Variants in PARP2 observed in about 807,000 individuals in gnomAD.
PARP2 encodes the protein poly [ADP-ribose] polymerase 2.
Under a neutral mutation model 77.8 loss-of-function variants are expected in PARP2, and 57 were observed. The ratio of observed to expected loss-of-function variants is 0.73; its 90% CI spans 0.59 to 0.91. The LOEUF (loss-of-function observed/expected upper bound fraction) is 0.91, where lower values mean the gene tolerates loss of function less well. Ranked by LOEUF, PARP2 falls within the 40% of genes least tolerant of loss-of-function variation. PARP2 has a pLI of 0.00. For missense variants in PARP2, 651 were observed against 689.0 expected, an observed-to-expected ratio of 0.94 and a Z score of 0.62; for synonymous variants, 226 against 242.6, an observed-to-expected ratio of 0.93 and a Z score of 0.64.
At chr14:20,357,194 T>C in intron 14 of PARP2, 45 bp downstream of exon 14, 1 of 1,470,296 alleles carries the variant, frequency 6.8e-7, no homozygotes, top group Non-Finnish European at 9.5e-7. Flanking sequence ...TTAATTCCAG[T>C]TTTTTTCCGA....
intron 9 of PARP2, chr14:20,355,408 C>T: frequency 5.3e-6 from 1 of 190,290 alleles, no homozygotes; most frequent in Non-Finnish European, 1.1e-5. Flanking sequence ...AGAAATAACC[C>T]TGAGTGGTCA....
At chr14:20,356,718 A>T (rs761321023) in intron 13 of PARP2, 29 bp downstream of exon 13, 1 of 1,503,932 alleles carries the variant, frequency 6.6e-7, no homozygotes, top group Non-Finnish European at 9.3e-7. Context: ...TGGGAGGAGC[A>T]CAGGGGAAAG....
chr14:20,347,206 T>C (rs1044444459), intron 4 of PARP2, among the ~76,000 whole-genome samples: 4 of 146,600 alleles, frequency 2.7e-5, no homozygotes, highest in Admixed American at 6.9e-5. Context: ...TTTTTTGTAT[T>C]TTTAGTAGAG....
At position 20,357,618 on chromosome 14, in the gene PARP2, A is replaced by G; in HGVS notation, c.1554-20A>G. The G allele has an allele frequency of 6.2e-7, 1 of 1,609,166 alleles. No individual in the cohort carries two copies. Among genetic ancestry groups the G allele is most frequent in the Non-Finnish European group, 8.5e-7 (1 of 1,178,220 alleles). ...CTGAACCAGAGACTGATGTTGACAC[A>G]CTTTTTTTCCATTTGGCAGGAATGG... On this transcript the variant is annotated intron_variant, in intron 15 of 15. Coordinates refer to ENST00000429687, the MANE Select transcript of PARP2 (RefSeq NM_001042618.2).
rs911856843 is a variant in PARP2, at chr14:20,356,948, T to G, written c.1330-103T>G. The G allele has an allele frequency of 8.7e-6, 7 of 806,568 alleles. No homozygotes were observed. In the East Asian group the frequency reaches 1.5e-4, roughly 17 times the overall value. The allele number at this position is 806,568 out of a possible 1,614,324, so 50.0% of individuals were successfully genotyped here. A position where few individuals can be genotyped will look rare whatever the true frequency, so the allele number is the denominator to read the frequency against. On this transcript the variant is annotated intron_variant, in intron 13 of 15. Coordinates refer to ENST00000429687, the MANE Select transcript of PARP2 (RefSeq NM_001042618.2). Reference sequence around the variant, plus strand: ...TTGTGAGGGGAAATGGAGAAGGGTCTATATTGTGTTTAAGGGAATGGAAAA... The same window carrying G: ...TTGTGAGGGGAAATGGAGAAGGGTCGATATTGTGTTTAAGGGAATGGAAAA...
intron 12 of PARP2, 33 bp downstream of exon 12, chr14:20,356,467 T>G (rs1266568581): frequency 6.2e-7 from 1 of 1,613,804 alleles, no homozygotes; most frequent in African/African-American, 1.3e-5. Context: ...GGAAAGACAC[T>G]CCTTGCCCGA....
chr14:20,353,796 G>A (rs1033331007), intron 7 of PARP2, among the ~76,000 whole-genome samples: 9 of 152,126 alleles, frequency 5.9e-5, no homozygotes, highest in African/African-American at 2.2e-4. Flanking sequence ...GACGTCATGA[G>A]GAAAGCCTTT....
At chr14:20,343,766 T>G in intron 1 of PARP2, 79 bp downstream of exon 1, 1 of 1,444,312 alleles carries the variant, frequency 6.9e-7, no homozygotes, top group South Asian at 1.2e-5. Flanking sequence ...TGTGACCCCC[T>G]TCCCCTTCCA....
rs767801136 is a variant in PARP2 at position 20,354,127 on chromosome 14, T to G, written c.643T>G (p.Leu215Val). 1.9e-6 allele frequency: 3 copies of G among 1,613,456 alleles called. No individual in the cohort carries two copies. In the East Asian group the frequency reaches 6.7e-5, roughly 36 times the overall value. ...TKKEESLKSP[L>V]KPESQLDLRV... The stretch of plus-strand genomic sequence containing the variant: ...GAAAGAGGAATCTCTTAAATCTCCC[T>G]TGAAGCCAGAGTCACAGCTAGATCT... Residue 215 changes from leucine to valine, a missense_variant, in exon 8 of 16, where the codon TTG becomes GTG. By Grantham distance (32) the Leu-to-Val change is conservative. Coordinates refer to ENST00000429687, the MANE Select transcript of PARP2 (RefSeq NM_001042618.2).
intron 4 of PARP2, among the ~76,000 whole-genome samples, chr14:20,349,734 A>G (rs1451833335): frequency 6.7e-6 from 1 of 150,294 alleles, no homozygotes; most frequent in Non-Finnish European, 1.5e-5. Flanking sequence ...TTTTTTTTTC[A>G]CCAGTGGGCT....
intron 13 of PARP2, 74 bp from the exon 14 acceptor site, chr14:20,356,977 G>T: frequency 1.1e-6 from 1 of 925,144 alleles, no homozygotes; most frequent in South Asian, 1.3e-5. Flanking sequence ...TGGAAAAACA[G>T]GGTCAGTGGT....
chr14:20,351,324 G>T (rs1240702761), intron 6 of PARP2, among the ~76,000 whole-genome samples: 1 of 151,716 alleles, frequency 6.6e-6, no homozygotes, highest in Non-Finnish European at 1.5e-5. Flanking sequence ...GATTACAGGC[G>T]CCCACCACCA....
chr14:20,354,275 C>T, intron 8 of PARP2, 28 bp downstream of exon 8: 1 of 1,561,828 alleles, frequency 6.4e-7, no homozygotes, highest in Non-Finnish European at 8.8e-7. Context: ...CTTCTGCATT[C>T]TCTCCTTATA....
chr14:20,355,064 T>C (rs1594302916), intron 9 of PARP2, 117 bp downstream of exon 9: 1 of 983,806 alleles, frequency 1.0e-6, no homozygotes, highest in East Asian at 2.5e-5. Context: ...TCGTCTTGAA[T>C]AGGTACAGAA....
intron 7 of PARP2, 90 bp downstream of exon 7, chr14:20,352,437 G>GA: frequency 1.3e-6 from 1 of 754,206 alleles, no homozygotes; most frequent in African/African-American, 1.8e-5. Context: ...GCCCAGGCTG[G>GA]GTGGCACAAT....
intron 1 of PARP2, chr14:20,344,496 G>C (rs1337397090): frequency 6.3e-6 from 1 of 158,972 alleles, no homozygotes; most frequent in Non-Finnish European, 1.4e-5. Context: ...GTGTGGGACA[G>C]TTGTTATTGC....
In PARP2 at chr14:20,344,955, AAT is replaced by A. The variant is rs766131038; in HGVS notation, c.72_73del (p.Asn24LysfsTer17). Reference protein sequence around the residue: ...ARALNESKRVNNGNTAPEDSS... With the variant: ...ARALNESKRVXNGNTAPEDSS... ...AGCATTAAATGAAAGCAAAAGAGTT[AAT>A]AATGGCAACACGGCTCCAGAAGACT... On this transcript the variant is annotated frameshift_variant, in exon 2 of 16. Transcript: ENST00000429687. LOFTEE classifies it high-confidence loss of function. 22 of 1,613,726 alleles carry A rather than the reference AAT, an allele frequency of 1.4e-5. No homozygotes were observed. The East Asian group carries it at 3.6e-4, about 26-fold the overall frequency.
At chr14:20,346,815 G>A (rs1319589167) in intron 3 of PARP2, 48 bp from the exon 4 acceptor site, 3 of 1,280,794 alleles carry the variant, frequency 2.3e-6, no homozygotes, top group Non-Finnish European at 3.4e-6. Flanking sequence ...TAGGATGTCA[G>A]GGCTGAACCT....
At chr14:20,348,629 T>C (rs555559642) in intron 4 of PARP2, among the ~76,000 whole-genome samples, 15 of 152,346 alleles carry the variant, frequency 9.8e-5, no homozygotes, top group African/African-American at 3.4e-4. Context: ...TGACTTCATG[T>C]TTGAATTTAT....
Sources: gnomAD v4.1 joint callset for allele counts (sites outside exome capture counted in the v4.1 genomes callset) on GRCh38, gnomAD v4.1.1 for gene constraint, MANE v1.5 for transcripts, NCBI Gene and HGNC (gene_info 2026-07-23, HGNC 2026-07-21) for gene names.